RALYL: variants seen among roughly 807,000 people sequenced by gnomAD.
The protein encoded by RALYL is RALY RNA binding protein like.
A neutral mutation model predicts 35.1 loss-of-function variants in RALYL; 29 were observed. The ratio of observed to expected loss-of-function variants is 0.83; its 90% CI spans 0.61 to 1.13. The LOEUF is 1.13. Among genes scored for constraint, RALYL ranks in the 50% most tolerant of loss-of-function variants. The pLI, the probability that RALYL is intolerant of heterozygous loss-of-function variation, is 0.00. For synonymous variants in RALYL, 120 were observed against 127.6 expected (o/e 0.94, Z 0.40); for missense variants, 359 against 360.4 (o/e 1.00, Z 0.03).
chr8:84,209,873 A>G (rs1471653374), intron 1 of RALYL, among the ~76,000 whole-genome samples: 1 of 152,162 alleles, frequency 6.6e-6, no homozygotes, highest in Non-Finnish European at 1.5e-5. Flanking sequence ...ACTATTTCTG[A>G]ATAGGTAGCT....
chr8:84,694,607 T>C (rs1184115648), intron 2 of RALYL, among the ~76,000 whole-genome samples: 1 of 151,838 alleles, frequency 6.6e-6, no homozygotes, highest in Non-Finnish European at 1.5e-5. Context: ...AAAGCAATCC[T>C]AAAATATGTA....
In RALYL at chr8:84,651,004, A is replaced by G. The variant is rs1828682228; in HGVS notation, c.256+121427A>G. Among the ~76,000 whole-genome samples, 3 of 152,064 alleles carry G rather than the reference A, an allele frequency of 2.0e-5. No homozygotes were observed. The South Asian group carries it at 6.2e-4, about 32-fold the overall frequency. On this transcript the variant is annotated intron_variant, in intron 2 of 8. Transcript: ENST00000521268. ...CCAAACACCGCATATTCTCACTCAT[A>G]GGTGGGAATTGAACAATGAGAACAC... is the stretch of plus-strand genomic sequence containing the variant.
chr8:84,807,491 C>A (rs1824924072), intron 4 of RALYL, among the ~76,000 whole-genome samples: 1 of 152,178 alleles, frequency 6.6e-6, no homozygotes, highest in Non-Finnish European at 1.5e-5. Context: ...GTGCAAGTAT[C>A]TTTTTCATAT....
chr8:84,888,425 A>T (rs972235411), intron 8 of RALYL, among the ~76,000 whole-genome samples: 1 of 152,096 alleles, frequency 6.6e-6, no homozygotes, highest in Non-Finnish European at 1.5e-5. Context: ...GCTGATGAGG[A>T]TGTTATTTCT....
intron 1 of RALYL, among the ~76,000 whole-genome samples, chr8:84,213,935 A>G (rs1470011916): frequency 6.6e-6 from 1 of 152,164 alleles, no homozygotes; most frequent in Non-Finnish European, 1.5e-5. Context: ...TTTTTCATTG[A>G]TATTATTGGA....
At chr8:84,842,992 C>A (rs1233964552) in intron 4 of RALYL, among the ~76,000 whole-genome samples, 1 of 152,114 alleles carries the variant, frequency 6.6e-6, no homozygotes, top group Non-Finnish European at 1.5e-5. Flanking sequence ...CTATCTATAA[C>A]AAACCCACAG....
chr8:84,369,615 T>C (rs911315310), intron 1 of RALYL, among the ~76,000 whole-genome samples: 9 of 152,078 alleles, frequency 5.9e-5, no homozygotes, highest in African/African-American at 4.8e-5. Context: ...TTACTTTTCA[T>C]TGAAACATGT....
intron 2 of RALYL, among the ~76,000 whole-genome samples, chr8:84,608,564 G>T (rs1817647176): frequency 6.6e-6 from 1 of 152,078 alleles, no homozygotes; most frequent in African/African-American, 2.4e-5. Flanking sequence ...CTTCCCCAGG[G>T]CTGCGGGTTT....
rs544276298 is a variant in RALYL, at chr8:84,336,859, A to G, written c.-24+152435A>G. On this transcript the variant is annotated intron_variant, in intron 1 of 8. Coordinates refer to ENST00000521268, the MANE Select transcript of RALYL (RefSeq NM_173848.7). ...TGATGCGCAATGTAGTGGAGCAGAA[A>G]TGATGCTTGCTGCACATTTAGTTGA... Among the ~76,000 whole-genome samples, 3 of 152,084 alleles carry G rather than the reference A, an allele frequency of 2.0e-5. No individual in the cohort carries two copies. In the South Asian group the frequency reaches 6.2e-4, roughly 32 times the overall value.
intron 1 of RALYL, among the ~76,000 whole-genome samples, chr8:84,467,758 T>C (rs1277974894): frequency 6.7e-6 from 1 of 149,012 alleles, no homozygotes; most frequent in East Asian, 2.0e-4. Context: ...AAGTCTCCCA[T>C]TATTAATGTG....
chr8:84,745,209 C>T (rs1015381082), intron 2 of RALYL, among the ~76,000 whole-genome samples: 5 of 151,944 alleles, frequency 3.3e-5, no homozygotes, highest in African/African-American at 9.7e-5. Flanking sequence ...CATTAATGCA[C>T]ATGCTGTAAT....
intron 1 of RALYL, among the ~76,000 whole-genome samples, chr8:84,202,623 T>C (rs1463713520): frequency 2.0e-5 from 3 of 152,052 alleles, no homozygotes; most frequent in Non-Finnish European, 2.9e-5. Context: ...CCACCCACCT[T>C]GGCCTCCCAA....
At chr8:84,759,480 T>C (rs889561124) in intron 2 of RALYL, among the ~76,000 whole-genome samples, 15 of 152,276 alleles carry the variant, frequency 9.9e-5, no homozygotes, top group African/African-American at 3.4e-4. Flanking sequence ...CCAAAAGAGA[T>C]CAACATCCAT....
At chr8:84,884,815 T>G (rs1273932335) in intron 7 of RALYL, among the ~76,000 whole-genome samples, 3 of 152,090 alleles carry the variant, frequency 2.0e-5, no homozygotes, top group Non-Finnish European at 4.4e-5. Context: ...AAATTTCTAT[T>G]TCTCTCTCTT....
intron 1 of RALYL, among the ~76,000 whole-genome samples, chr8:84,423,482 A>C (rs979121207): frequency 6.6e-6 from 1 of 152,056 alleles, no homozygotes. Context: ...CAGCACACTG[A>C]TGGATCTTGA....
chr8:84,812,527 G>A (rs894262790), intron 4 of RALYL, among the ~76,000 whole-genome samples: 2 of 152,154 alleles, frequency 1.3e-5, no homozygotes, highest in African/African-American at 2.4e-5. Flanking sequence ...AGCTACCAGG[G>A]TGAGTAGGGC....
At chr8:84,482,333 A>G (rs984555662) in intron 1 of RALYL, among the ~76,000 whole-genome samples, 3 of 152,112 alleles carry the variant, frequency 2.0e-5, no homozygotes, top group African/African-American at 7.2e-5. Context: ...TTTAGTAAAA[A>G]TGCTTTGCTG....
At chr8:84,689,259 T>C (rs1837504656) in intron 2 of RALYL, among the ~76,000 whole-genome samples, 1 of 152,064 alleles carries the variant, frequency 6.6e-6, no homozygotes. Context: ...CCCCAGAGTG[T>C]GATGTTCCCC....
chr8:84,339,703 G>T (rs569407381), intron 1 of RALYL, among the ~76,000 whole-genome samples: 7 of 151,932 alleles, frequency 4.6e-5, no homozygotes, highest in African/African-American at 1.4e-4. Flanking sequence ...AAAGCTTAGG[G>T]ACTGCTGGAC....
Sources: gnomAD v4.1 joint callset for allele counts (sites outside exome capture counted in the v4.1 genomes callset) on GRCh38, gnomAD v4.1.1 for gene constraint, MANE v1.5 for transcripts, NCBI Gene and HGNC (gene_info 2026-07-23, HGNC 2026-07-21) for gene names.